Variants in ITGA9 observed in about 807,000 individuals in gnomAD.
ITGA9 encodes integrin subunit alpha 9, also known as integrin alpha-9.
In ITGA9, 56 loss-of-function variants were observed where a neutral mutation model predicts 127.8. The observed-to-expected ratio is 0.44, with a 90% CI of 0.35 to 0.55. ITGA9 has a LOEUF of 0.55. Among genes scored for constraint, ITGA9 ranks in the 20% least tolerant of loss-of-function variants. The pLI is 0.00. For missense variants in ITGA9, 1,196 were observed against 1,347.1 expected, an observed-to-expected ratio of 0.89 and a Z score of 1.76; for synonymous variants, 508 against 514.5, an observed-to-expected ratio of 0.99 and a Z score of 0.17.
intron 18 of ITGA9, among the ~76,000 whole-genome samples, chr3:37,722,803 C>G (rs930812870): frequency 6.6e-6 from 1 of 152,098 alleles, no homozygotes; most frequent in Non-Finnish European, 1.5e-5. Flanking sequence ...TTTGTGTGGG[C>G]TCATGTTTTT....
intron 18 of ITGA9, among the ~76,000 whole-genome samples, chr3:37,710,892 G>T (rs770060813): frequency 7.2e-5 from 11 of 152,204 alleles, no homozygotes; most frequent in Non-Finnish European, 1.5e-4. Context: ...TCCTCATCTG[G>T]ATAGCAGCCC....
At chr3:37,790,187 G>T in intron 26 of ITGA9, 1 of 568,150 alleles carries the variant, frequency 1.8e-6, no homozygotes. Context: ...GGCTCTTGAT[G>T]TGTTTCAGCA....
intron 16 of ITGA9, among the ~76,000 whole-genome samples, chr3:37,652,174 C>T (rs1430323064): frequency 6.6e-6 from 1 of 152,012 alleles, no homozygotes; most frequent in African/African-American, 2.4e-5. Flanking sequence ...TGCAAGGCTT[C>T]CCTAGGGGCC....
intron 14 of ITGA9, 141 bp from the exon 15 acceptor site, chr3:37,542,284 T>G: frequency 1.1e-6 from 1 of 872,370 alleles, no homozygotes; most frequent in Non-Finnish European, 1.9e-6. Context: ...TGAGCAAGTC[T>G]CTGCTTGGGG....
At position 37,530,717 on chromosome 3, in the gene ITGA9, G is replaced by GTTT. The variant is rs71094916; in HGVS notation, c.1374-2547_1374-2545dup. On this transcript the variant is annotated intron_variant, in intron 13 of 27. Coordinates refer to ENST00000264741, the MANE Select transcript of ITGA9 (RefSeq NM_002207.3). ...CAGGGAGAAGTGTTCCAGCTACCAG[G>GTTT]TTTTTTTTTTTTTTTTTTTTTTTTT... Among the ~76,000 whole-genome samples, 16 of 86,252 alleles carry GTTT rather than the reference G, an allele frequency of 1.9e-4. 1 individual carries two copies. Among genetic ancestry groups the GTTT allele is most frequent in the Middle Eastern group, 8.9e-3 (1 of 112 alleles). The allele number at this position is 86,252 out of a possible 152,430, so 56.6% of individuals were successfully genotyped here. A position where few individuals can be genotyped will look rare whatever the true frequency, so the allele number is the denominator to read the frequency against.
chr3:37,738,764 T>C (rs146587831), intron 20 of ITGA9, among the ~76,000 whole-genome samples: 5 of 152,210 alleles, frequency 3.3e-5, no homozygotes, highest in South Asian at 2.1e-4. Flanking sequence ...TGGGAAGGAA[T>C]GTGACATGGA....
rs117604599 is a variant in ITGA9 at position 37,520,815 on chromosome 3, C to T, written c.1236+1461C>T. 2.4e-3 allele frequency among the ~76,000 whole-genome samples: 371 copies of T among 152,300 alleles called. 13 individuals are homozygous for T. The East Asian group carries it at 0.064, about 26-fold the overall frequency. On this transcript the variant is annotated intron_variant, in intron 11 of 27. Coordinates refer to ENST00000264741, the MANE Select transcript of ITGA9 (RefSeq NM_002207.3). ...AAGCTAAAAGTCACCCAAGGAGCCC[C>T]GTGCTCGGGCAGCGGTCAGGGTCAT... is the stretch of plus-strand genomic sequence containing the variant.
At chr3:37,696,226 C>T (rs1305746816) in intron 18 of ITGA9, among the ~76,000 whole-genome samples, 1 of 152,090 alleles carries the variant, frequency 6.6e-6, no homozygotes, top group Non-Finnish European at 1.5e-5. Context: ...GGAAGAGTGG[C>T]CATTGGGAAG....
At chr3:37,489,651 G>T (rs1698646683) in intron 4 of ITGA9, among the ~76,000 whole-genome samples, 1 of 149,394 alleles carries the variant, frequency 6.7e-6, no homozygotes, top group Admixed American at 6.7e-5. Context: ...TGTAAACTGA[G>T]GGTAGTTTTA....
chr3:37,606,739 G>T (rs1699972270), intron 15 of ITGA9, among the ~76,000 whole-genome samples: 1 of 152,090 alleles, frequency 6.6e-6, no homozygotes, highest in African/African-American at 2.4e-5. Context: ...CCACAGAGGG[G>T]ATCAGCCCCC....
chr3:37,517,365 T>C, intron 9 of ITGA9, 139 bp from the exon 10 acceptor site: 1 of 727,434 alleles, frequency 1.4e-6, no homozygotes, highest in Non-Finnish European at 2.4e-6. Flanking sequence ...TGGGTTCCTG[T>C]AATTCTGCCC....
Position 37,603,375 on chromosome 3 carries a change from T to A in ITGA9, c.1690-25812T>A, listed in dbSNP as rs541113252. On this transcript the variant is annotated intron_variant, in intron 15 of 27. Coordinates refer to ENST00000264741, the MANE Select transcript of ITGA9 (RefSeq NM_002207.3). Reference sequence around the variant, plus strand: ...TGGGTATTATAAGTAATCTAGAGATTAAAGTATATAGGAGGATGTGTGTAT... The same window carrying A: ...TGGGTATTATAAGTAATCTAGAGATAAAAGTATATAGGAGGATGTGTGTAT... Among the ~76,000 whole-genome samples the A allele has an allele frequency of 5.9e-5, 9 of 152,346 alleles. No individual in the cohort carries two copies. In the South Asian group the frequency reaches 1.9e-3, roughly 32 times the overall value.
At chr3:37,711,762 A>G (rs1701081894) in intron 18 of ITGA9, among the ~76,000 whole-genome samples, 1 of 152,080 alleles carries the variant, frequency 6.6e-6, no homozygotes, top group African/African-American at 2.4e-5. Flanking sequence ...TTTTAAAACC[A>G]CTGTACTTAG....
At chr3:37,463,388 T>G (rs1260874054) in intron 1 of ITGA9, among the ~76,000 whole-genome samples, 2 of 152,192 alleles carry the variant, frequency 1.3e-5, no homozygotes, top group Non-Finnish European at 2.9e-5. Context: ...GACTCACTCA[T>G]GCATCTGTGG....
chr3:37,519,534 T>C (rs1350510890), intron 11 of ITGA9, among the ~76,000 whole-genome samples, 180 bp downstream of exon 11: 1 of 152,220 alleles, frequency 6.6e-6, no homozygotes, highest in Non-Finnish European at 1.5e-5. Flanking sequence ...AAAAAAGCAT[T>C]CTTAGAATCC....
At chr3:37,623,644 GATA>G (rs940186443) in intron 15 of ITGA9, among the ~76,000 whole-genome samples, 3 of 151,038 alleles carry the variant, frequency 2.0e-5, no homozygotes, top group African/African-American at 7.3e-5. Context: ...TAAGTTCCAT[GATA>G]ATTTTAAACA....
chr3:37,576,353 A>G, intron 15 of ITGA9, among the ~76,000 whole-genome samples: 1 of 152,204 alleles, frequency 6.6e-6, no homozygotes, highest in East Asian at 1.9e-4. Flanking sequence ...GAGTCTTGAT[A>G]TATATTTTTC....
At chr3:37,717,573 C>T (rs1701148292) in intron 18 of ITGA9, among the ~76,000 whole-genome samples, 1 of 152,140 alleles carries the variant, frequency 6.6e-6, no homozygotes, top group African/African-American at 2.4e-5. Flanking sequence ...CACATGGTGG[C>T]AGGAGAGAAG....
intron 14 of ITGA9, among the ~76,000 whole-genome samples, chr3:37,539,051 G>A (rs1699241266): frequency 6.6e-6 from 1 of 152,230 alleles, no homozygotes; most frequent in South Asian, 2.1e-4. Context: ...CCTCAGCTCA[G>A]TTTCTGTGAA....
Sources: gnomAD v4.1 joint callset for allele counts (sites outside exome capture counted in the v4.1 genomes callset) on GRCh38, gnomAD v4.1.1 for gene constraint, MANE v1.5 for transcripts, NCBI Gene and HGNC (gene_info 2026-07-23, HGNC 2026-07-21) for gene names.